SETBP1: variants seen among roughly 807,000 people sequenced by gnomAD.
SETBP1 encodes SET binding protein 1, also known as SET-binding protein.
SETBP1 carries 9 observed loss-of-function variants against 101.0 expected under a neutral mutation model. The ratio of observed to expected loss-of-function variants is 0.09; its 90% CI spans 0.05 to 0.16. The LOEUF is 0.16. SETBP1 is among the 10% of genes least tolerant of loss of function. SETBP1 has a pLI of 1.00. For synonymous variants in SETBP1, 818 were observed against 788.5 expected, an observed-to-expected ratio of 1.04 and a Z score of -0.63; for missense variants, 1,858 against 2,033.8, an observed-to-expected ratio of 0.91 and a Z score of 1.66.
intron 2 of SETBP1, among the ~76,000 whole-genome samples, chr18:44,774,360 TGTGTATGTGTGTGTGG>T (rs1395585513): frequency 1.3e-5 from 2 of 151,772 alleles, no homozygotes; most frequent in Non-Finnish European, 2.9e-5. Flanking sequence ...TGTGTTTGAG[TGTGTATGTGTGTGTGG>T]GTGTGTGTGT....
chr18:45,060,684 TAATA>T (rs1256523672), intron 5 of SETBP1, among the ~76,000 whole-genome samples: 1 of 152,070 alleles, frequency 6.6e-6, no homozygotes, highest in Non-Finnish European at 1.5e-5. Context: ...TGCAAAGACT[TAATA>T]AATTATTCAG....
intron 3 of SETBP1, among the ~76,000 whole-genome samples, chr18:44,932,390 CTT>C (rs1003087081): frequency 6.6e-6 from 1 of 152,186 alleles, no homozygotes; most frequent in Non-Finnish European, 1.5e-5. Context: ...TTCATTTCAA[CTT>C]AGGTGAATCT....
rs999196048 is a variant in SETBP1, at chr18:44,737,059, G to A, written c.486+35227G>A. ...ACATCTTTGTAAAAGAATAAATGAT[G>A]AATGAATGATATTGAGGTCTAAAAG... On this transcript the variant is annotated intron_variant, in intron 2 of 5. Coordinates refer to ENST00000649279, the MANE Select transcript of SETBP1 (RefSeq NM_015559.3). 9.2e-5 allele frequency among the ~76,000 whole-genome samples: 14 copies of A among 152,230 alleles called. No homozygotes were observed. In the South Asian group the frequency reaches 2.7e-3, roughly 29 times the overall value.
At chr18:44,713,866 TA>T (rs1463065124) in intron 2 of SETBP1, among the ~76,000 whole-genome samples, 2 of 152,254 alleles carry the variant, frequency 1.3e-5, no homozygotes, top group Non-Finnish European at 2.9e-5. Flanking sequence ...TCGAATGTTA[TA>T]CAGATGGTCT....
intron 2 of SETBP1, among the ~76,000 whole-genome samples, chr18:44,810,022 A>G (rs963764822): frequency 6.6e-6 from 1 of 152,126 alleles, no homozygotes; most frequent in African/African-American, 2.4e-5. Flanking sequence ...TTTCTCCCTC[A>G]TTTTTACAGG....
chr18:44,885,664 A>T (rs2069624945), intron 3 of SETBP1, among the ~76,000 whole-genome samples: 1 of 151,808 alleles, frequency 6.6e-6, no homozygotes, highest in Non-Finnish European at 1.5e-5. Flanking sequence ...GAACAGCTGT[A>T]ACCTTAGACC....
intron 4 of SETBP1, among the ~76,000 whole-genome samples, chr18:45,029,488 G>A (rs1277657546): frequency 2.6e-5 from 4 of 152,112 alleles, no homozygotes; most frequent in East Asian, 3.8e-4. Flanking sequence ...TTGACTTGGC[G>A]ATGCAAGCTC....
chr18:44,918,233 C>T (rs1040636761), intron 3 of SETBP1, among the ~76,000 whole-genome samples: 2 of 152,170 alleles, frequency 1.3e-5, no homozygotes, highest in South Asian at 2.1e-4. Flanking sequence ...TGGATCTGGT[C>T]ACAATGCTCT....
chr18:44,939,251 A>G (rs1477216964), intron 3 of SETBP1, among the ~76,000 whole-genome samples: 3 of 151,960 alleles, frequency 2.0e-5, no homozygotes, highest in African/African-American at 7.2e-5. Flanking sequence ...CCCGGTCCCC[A>G]CCACACTCTA....
chr18:44,936,840 C>T (rs2070969544), intron 3 of SETBP1, among the ~76,000 whole-genome samples: 3 of 152,024 alleles, frequency 2.0e-5, no homozygotes, highest in Admixed American at 6.5e-5. Context: ...CAGGTAGCCC[C>T]GAGGGAAGCT....
intron 3 of SETBP1, among the ~76,000 whole-genome samples, chr18:44,925,545 T>C (rs2070687756): frequency 6.6e-6 from 1 of 152,162 alleles, no homozygotes; most frequent in African/African-American, 2.4e-5. Context: ...CAAACCCTCC[T>C]TTTCAGCTGA....
chr18:44,774,245 C>T (rs939957592), intron 2 of SETBP1, among the ~76,000 whole-genome samples: 3 of 152,164 alleles, frequency 2.0e-5, no homozygotes, highest in Non-Finnish European at 4.4e-5. Flanking sequence ...GAGTCTCAGT[C>T]AGAGTGAGGG....
At position 44,953,071 on chromosome 18, in the gene SETBP1, A is replaced by G. The variant is rs201474295; in HGVS notation, c.3731A>G (p.Gln1244Arg). The G allele has an allele frequency of 9.9e-5, 159 of 1,614,102 alleles. No individual in the cohort carries two copies. Among genetic ancestry groups the G allele is most frequent in the Non-Finnish European group, 1.2e-4 (147 of 1,180,034 alleles). Residue 1244 changes from glutamine to arginine, a missense_variant, in exon 4 of 6, where the codon CAG becomes CGG. Transcript: ENST00000649279. ...LSLSDAQHWT[Q>R]AKEKGDLSSE... ...CTTTCCGACGCCCAGCATTGGACAC[A>G]GGCCAAGGAAAAAGGAGACTTGAGC...
At chr18:44,887,249 A>T (rs2069669684) in intron 3 of SETBP1, among the ~76,000 whole-genome samples, 1 of 152,188 alleles carries the variant, frequency 6.6e-6, no homozygotes, top group Middle Eastern at 3.4e-3. Context: ...TTTTTCTCTC[A>T]TTGCTCATGC....
At chr18:45,041,939 A>C (rs1282448087) in intron 5 of SETBP1, among the ~76,000 whole-genome samples, 8 of 152,008 alleles carry the variant, frequency 5.3e-5, no homozygotes, top group Non-Finnish European at 1.0e-4. Flanking sequence ...CCTGGGTGAC[A>C]AAGCGAAACT....
At chr18:44,695,433 T>C (rs894995889) in intron 1 of SETBP1, among the ~76,000 whole-genome samples, 1 of 152,180 alleles carries the variant, frequency 6.6e-6, no homozygotes, top group Non-Finnish European at 1.5e-5. Flanking sequence ...TATAAACACA[T>C]AAAGCAAGTT....
chr18:45,033,846 C>T (rs767948239), intron 4 of SETBP1, among the ~76,000 whole-genome samples: 1 of 152,202 alleles, frequency 6.6e-6, no homozygotes, highest in Admixed American at 6.5e-5. Flanking sequence ...ATCATCCCAC[C>T]TCTTACAGCT....
At chr18:44,847,619 A>G (rs560873553) in intron 2 of SETBP1, among the ~76,000 whole-genome samples, 1 of 152,344 alleles carries the variant, frequency 6.6e-6, no homozygotes, top group South Asian at 2.1e-4. Context: ...AGCCCCTACA[A>G]TGTGTCAAGC....
At chr18:44,861,700 C>A (rs1192389603) in intron 2 of SETBP1, among the ~76,000 whole-genome samples, 1 of 152,154 alleles carries the variant, frequency 6.6e-6, no homozygotes, top group Non-Finnish European at 1.5e-5. Context: ...CTACTTTAGT[C>A]TCTTGAGCCA....
Sources: gnomAD v4.1 joint callset for allele counts (sites outside exome capture counted in the v4.1 genomes callset) on GRCh38, gnomAD v4.1.1 for gene constraint, MANE v1.5 for transcripts, NCBI Gene and HGNC (gene_info 2026-07-23, HGNC 2026-07-21) for gene names.